Variants in HLTF observed in about 807,000 individuals in gnomAD.
HLTF encodes helicase like transcription factor.
A neutral mutation model predicts 129.4 loss-of-function variants in HLTF; 127 were observed. The observed-to-expected ratio is 0.98, with a 90% CI of 0.85 to 1.14. The LOEUF (loss-of-function observed/expected upper bound fraction) is 1.14. Among genes scored for constraint, HLTF ranks in the 50% most tolerant of loss-of-function variants. The pLI is 0.00. For synonymous variants in HLTF, 332 were observed against 388.8 expected (o/e 0.85, Z 1.72); for missense variants, 1,139 against 1,187.1 (o/e 0.96, Z 0.60).
At chr3:149,051,216 A>C (rs185383403) in intron 14 of HLTF, among the ~76,000 whole-genome samples, 1 of 151,540 alleles carries the variant, frequency 6.6e-6, no homozygotes, top group South Asian at 2.1e-4. Flanking sequence ...GAATTGTGTG[A>C]TAAAAATATA....
At chr3:149,073,356 C>G (rs774058917) in intron 4 of HLTF, 34 bp from the exon 5 acceptor site, 4 of 1,423,860 alleles carry the variant, frequency 2.8e-6, no homozygotes, top group Non-Finnish European at 2.0e-6. Flanking sequence ...ATAAAGCCAT[C>G]AAATAAAGTA....
Position 149,060,628 on chromosome 3 carries a change from A to G in HLTF, c.1285+15T>C. On this transcript the variant is annotated intron_variant, in intron 12 of 24. Transcript: ENST00000310053. ...ATCTTGAAGTCTAGATTATGGGTATATAGTATACACATACCTTTCGCCCTG... is the reference window on the plus strand; with the variant it reads ...ATCTTGAAGTCTAGATTATGGGTATGTAGTATACACATACCTTTCGCCCTG... 5 of 1,582,772 alleles carry G rather than the reference A, an allele frequency of 3.2e-6. No individual in the cohort carries two copies. The highest frequency in any genetic ancestry group is 1.7e-5 in the Admixed American group (1 of 59,708).
At chr3:149,082,690 A>G (rs78884484) in intron 2 of HLTF, among the ~76,000 whole-genome samples, 10,332 of 152,304 alleles carry the variant, frequency 0.068, 1,030 homozygotes, top group African/African-American at 0.22. Context: ...TAGAAAAAAA[A>G]TTAAAATAAC....
At chr3:149,076,992 C>T (rs542750324) in intron 2 of HLTF, among the ~76,000 whole-genome samples, 3 of 152,042 alleles carry the variant, frequency 2.0e-5, no homozygotes, top group Non-Finnish European at 4.4e-5. Context: ...CAGTAGCTCA[C>T]GCCCCCAGCA....
rs770508801 is a variant in HLTF at position 149,086,337 on chromosome 3, G to A, written c.-1C>T. ...TTCACCTCTTGAACATCCAGGACAT[G>A]GCGCTGAGTGGGATGACAAGAGGAG... On this transcript the variant is annotated 5_prime_UTR_variant, in exon 1 of 25. Transcript: ENST00000310053. 3.1e-6 allele frequency: 5 copies of A among 1,595,794 alleles called. No homozygotes were observed. In the South Asian group the frequency reaches 4.5e-5, roughly 14 times the overall value.
intron 20 of HLTF, among the ~76,000 whole-genome samples, chr3:149,041,029 C>T (rs1026501946): frequency 4.5e-4 from 69 of 152,146 alleles, no homozygotes; most frequent in African/African-American, 1.6e-3. Context: ...GGGGCAATTA[C>T]GTCCTTGAAA....
Position 149,057,381 on chromosome 3 carries a change from G to A in HLTF, c.1376-1981C>T, listed in dbSNP as rs548061441. ...GTGGAGGTTGCAGTGCGCCGTGATC[G>A]CACCACTGCACTCTAGCCTGGGCGA... On this transcript the variant is annotated intron_variant, in intron 13 of 24. Transcript: ENST00000310053. 3.9e-5 allele frequency among the ~76,000 whole-genome samples: 6 copies of A among 152,112 alleles called. No homozygotes were observed. In the East Asian group the frequency reaches 5.8e-4, roughly 15 times the overall value.
chr3:149,048,819 A>G, intron 16 of HLTF, 44 bp downstream of exon 16: 1 of 1,493,270 alleles, frequency 6.7e-7, no homozygotes, highest in South Asian at 1.1e-5. Flanking sequence ...ATAATGATAT[A>G]TTTTAGAGAT....
chr3:149,063,301 C>A, intron 10 of HLTF, 130 bp downstream of exon 10: 1 of 593,852 alleles, frequency 1.7e-6, no homozygotes, highest in Non-Finnish European at 3.1e-6. Flanking sequence ...ACCTCATGAT[C>A]CGCCCGCCTC....
chr3:149,047,769 G>A (rs1475888646), intron 17 of HLTF, among the ~76,000 whole-genome samples: 1 of 152,086 alleles, frequency 6.6e-6, no homozygotes, highest in Non-Finnish European at 1.5e-5. Context: ...GGGCTTTGGG[G>A]CTTAGCAACA....
rs745750885 is a variant in HLTF, at chr3:149,039,176, C to A, written c.2669G>T (p.Arg890Ile). 3.1e-6 allele frequency: 5 copies of A among 1,610,254 alleles called. No homozygotes were observed. The highest frequency in any genetic ancestry group is 4.2e-6 in the Non-Finnish European group (5 of 1,178,456). ...RLDGSMAQKKRVESIQCFQNT... is the reference protein window; with the variant it reads ...RLDGSMAQKKIVESIQCFQNT... ...TTGAAAACACTGAATTGATTCAACTCTTTTCTTTTGGGCCATGGAACCATC... is the reference window on the plus strand; with the variant it reads ...TTGAAAACACTGAATTGATTCAACTATTTTCTTTTGGGCCATGGAACCATC... The change falls in exon 23 of 25, where the codon AGA becomes ATA. Residue 890 changes from arginine to isoleucine, a missense_variant. Physicochemically the swap from Arg to Ile is moderately conservative, Grantham distance 97 (BLOSUM62 -3). Coordinates refer to ENST00000310053, the MANE Select transcript of HLTF (RefSeq NM_003071.4).
intron 7 of HLTF, among the ~76,000 whole-genome samples, chr3:149,069,539 T>C (rs1718679931): frequency 6.6e-6 from 1 of 152,118 alleles, no homozygotes; most frequent in Non-Finnish European, 1.5e-5. Flanking sequence ...TTAAGTCTCA[T>C]TACTTCAGTA....
chr3:149,066,942 A>C (rs956171555), intron 8 of HLTF, among the ~76,000 whole-genome samples: 1 of 152,160 alleles, frequency 6.6e-6, no homozygotes, highest in South Asian at 2.1e-4. Context: ...CACTGACAGG[A>C]AACTGATGTA....
chr3:149,048,314 A>G, intron 16 of HLTF, 151 bp from the exon 17 acceptor site: 2 of 513,740 alleles, frequency 3.9e-6, no homozygotes, highest in Non-Finnish European at 6.6e-6. Context: ...AGTGTTGACT[A>G]TAATCATTTA....
Position 149,086,513 on chromosome 3 carries a change from C to G in HLTF, c.-177G>C, listed in dbSNP as rs930264989. The G allele has an allele frequency of 4.6e-6, 3 of 649,566 alleles. No individual in the cohort carries two copies. Among genetic ancestry groups the G allele is most frequent in the Non-Finnish European group, 8.0e-6 (3 of 373,238 alleles). The allele number at this position is 649,566 out of a possible 1,614,324, so 40.2% of individuals were successfully genotyped here. On this transcript the variant is annotated 5_prime_UTR_variant, in exon 1 of 25. Coordinates refer to ENST00000310053, the MANE Select transcript of HLTF (RefSeq NM_003071.4). ...CGCGAGTCCAGTCAGACGTCGACGC[C>G]GTCTCCTTCTGCAACAATCTGGGAG... is the stretch of plus-strand genomic sequence containing the variant.
Position 149,086,370 on chromosome 3 carries a change from G to A in HLTF, c.-34C>T, listed in dbSNP as rs373244543. 2.0e-5 allele frequency: 31 copies of A among 1,571,566 alleles called. No homozygotes were observed. In the Middle Eastern group the frequency reaches 5.0e-4, roughly 25 times the overall value. ...GTGGGATGACAAGAGGAGCGCCTCGGCTCCCCTGGATCGTTTTCGAGCCGC... is the reference window on the plus strand; with the variant it reads ...GTGGGATGACAAGAGGAGCGCCTCGACTCCCCTGGATCGTTTTCGAGCCGC... On this transcript the variant is annotated 5_prime_UTR_variant, in exon 1 of 25. Transcript: ENST00000310053.
At chr3:149,039,255 G>A in intron 22 of HLTF, 26 bp from the exon 23 acceptor site, 1 of 1,441,382 alleles carries the variant, frequency 6.9e-7, no homozygotes, top group Non-Finnish European at 9.3e-7. Context: ...AAAGAGACAA[G>A]TAACAAACAC....
At chr3:149,033,087 A>G (rs1715271351) in intron 24 of HLTF, among the ~76,000 whole-genome samples, 1 of 152,128 alleles carries the variant, frequency 6.6e-6, no homozygotes, top group South Asian at 2.1e-4. Flanking sequence ...ACTTGATTTT[A>G]AAATACCCCA....
intron 2 of HLTF, among the ~76,000 whole-genome samples, chr3:149,079,424 A>C (rs1169202113): frequency 6.9e-6 from 1 of 145,616 alleles, no homozygotes; most frequent in Non-Finnish European, 1.5e-5. Context: ...TATTTAAAAA[A>C]ATAAAAATTT....
Sources: gnomAD v4.1 joint callset for allele counts (sites outside exome capture counted in the v4.1 genomes callset) on GRCh38, gnomAD v4.1.1 for gene constraint, MANE v1.5 for transcripts, NCBI Gene and HGNC (gene_info 2026-07-23, HGNC 2026-07-21) for gene names.